Variants in ABCA13 observed in about 807,000 individuals in gnomAD.
ABCA13 encodes the protein ATP binding cassette subfamily A member 13, also known as ATP-binding cassette sub-family A member 13.
A neutral mutation model predicts 478.7 loss-of-function variants in ABCA13; 476 were observed. The observed-to-expected ratio is 0.99, with a 90% CI of 0.92 to 1.07. The LOEUF (loss-of-function observed/expected upper bound fraction) is 1.07. Among genes scored for constraint, ABCA13 ranks in the 50% least tolerant of loss-of-function variants. The pLI is 0.00. For synonymous variants in ABCA13, 2,252 were observed against 2,158.9 expected (o/e 1.04, Z -1.20); for missense variants, 6,060 against 5,910.6 (o/e 1.03, Z -0.83).
At chr7:48,332,017 C>A (rs973056844) in intron 27 of ABCA13, among the ~76,000 whole-genome samples, 4 of 152,176 alleles carry the variant, frequency 2.6e-5, no homozygotes, top group Admixed American at 2.6e-4. Flanking sequence ...TTGGGATTGA[C>A]TTTTTAAACT....
intron 35 of ABCA13, 62 bp downstream of exon 35, chr7:48,376,634 G>A: frequency 6.6e-7 from 1 of 1,504,346 alleles, no homozygotes; most frequent in Non-Finnish European, 9.2e-7. Context: ...GAATTAATAT[G>A]CATAAATATT....
chr7:48,321,171 T>C (rs1294210407), intron 27 of ABCA13, among the ~76,000 whole-genome samples: 1 of 152,150 alleles, frequency 6.6e-6, no homozygotes, highest in Non-Finnish European at 1.5e-5. Flanking sequence ...GTGTCACAAG[T>C]AGGAGGCGCT....
At chr7:48,208,488 G>T (rs1404506768) in intron 3 of ABCA13, among the ~76,000 whole-genome samples, 1 of 151,856 alleles carries the variant, frequency 6.6e-6, no homozygotes, top group Non-Finnish European at 1.5e-5. Context: ...TCTTTCATCA[G>T]GGTTTTATAG....
chr7:48,244,352 T>C (rs982881021), intron 10 of ABCA13, among the ~76,000 whole-genome samples: 11 of 152,238 alleles, frequency 7.2e-5, no homozygotes, highest in African/African-American at 2.7e-4. Flanking sequence ...CATTTTGGGG[T>C]AAAGAGAATG....
chr7:48,640,623 A>T (rs1795035823), intron 59 of ABCA13, among the ~76,000 whole-genome samples: 1 of 152,228 alleles, frequency 6.6e-6, no homozygotes, highest in Non-Finnish European at 1.5e-5. Context: ...TGAACATAGA[A>T]ATAAATGACT....
intron 32 of ABCA13, among the ~76,000 whole-genome samples, chr7:48,371,597 G>A (rs533166983): frequency 1.1e-3 from 172 of 152,166 alleles, no homozygotes; most frequent in African/African-American, 4.0e-3. Flanking sequence ...CTTGTTTCCT[G>A]TTGGTGTATA....
intron 41 of ABCA13, among the ~76,000 whole-genome samples, chr7:48,424,691 A>T (rs1821178176): frequency 6.6e-6 from 1 of 152,198 alleles, no homozygotes; most frequent in South Asian, 2.1e-4. Context: ...ATCCCTGGGT[A>T]ATGTTCTATT....
intron 15 of ABCA13, among the ~76,000 whole-genome samples, chr7:48,267,630 C>T (rs1795041368): frequency 1.3e-5 from 2 of 152,088 alleles, no homozygotes; most frequent in Admixed American, 1.3e-4. Flanking sequence ...AAAGTAATTG[C>T]TTTTAAATAA....
At chr7:48,303,219 T>C (rs1175583378) in intron 23 of ABCA13, among the ~76,000 whole-genome samples, 5 of 152,152 alleles carry the variant, frequency 3.3e-5, no homozygotes, top group African/African-American at 9.6e-5. Flanking sequence ...TTTTAAGTTC[T>C]TTATAGATAC....
rs201435007 is a variant in ABCA13 at position 48,240,884 on chromosome 7, A to G, written c.1080A>G (p.Gln360=). ...RVYQQVFVQW[Q]QGSLLQKTLT... ...ATTTGTAGGTGTTTGTTCAGTGGCA[A>G]CAGGGTAGCCTGCTTCAGAAGACAC... Residue 360 remains glutamine, a synonymous_variant, in exon 10 of 62, where the codon CAA becomes CAG. Coordinates refer to ENST00000435803, the MANE Select transcript of ABCA13 (RefSeq NM_152701.5). 18 of 1,550,458 alleles carry G rather than the reference A, an allele frequency of 1.2e-5. No homozygotes were observed. The highest frequency in any genetic ancestry group is 9.6e-6 in the Non-Finnish European group (11 of 1,146,606).
chr7:48,404,190 C>T (rs1585175337), intron 39 of ABCA13: 1 of 348,154 alleles, frequency 2.9e-6, no homozygotes, highest in Non-Finnish European at 5.7e-6. Context: ...TTAGAAGAGG[C>T]ATCCCAGATC....
In ABCA13 at chr7:48,272,824, A is replaced by G. The variant is rs1029901540; in HGVS notation, c.3158A>G (p.Gln1053Arg). 3 of 1,606,826 alleles carry G rather than the reference A, an allele frequency of 1.9e-6. No individual in the cohort carries two copies. The Admixed American group carries it at 5.1e-5, about 27-fold the overall frequency. The change falls in exon 17 of 62, where the codon CAA (glutamine) becomes CGA (arginine). Residue 1053 changes from glutamine (Q) to arginine (R), a missense_variant. Around this residue, in one of 3 missense-constraint regions of ABCA13, gnomAD observed 4,423 missense variants for 4,309.1 expected, o/e 1.03. Coordinates refer to ENST00000435803, the MANE Select transcript of ABCA13 (RefSeq NM_152701.5). ...CAATCCTTCATGTCTACAGAGGGCC[A>G]AGAACTGGAAGTGATCCACACTACT... ...QAQSFMSTEG[Q>R]ELEVIHTTLT...
chr7:48,341,890 ATATATCTTT>A (rs1182912783), intron 29 of ABCA13, among the ~76,000 whole-genome samples: 2 of 99,468 alleles, frequency 2.0e-5, no homozygotes, highest in African/African-American at 7.2e-5. Context: ...ATATATATAT[ATATATCTTT>A]CTGATATATA....
At chr7:48,346,029 A>G (rs1363544384) in intron 29 of ABCA13, among the ~76,000 whole-genome samples, 3 of 152,226 alleles carry the variant, frequency 2.0e-5, no homozygotes, top group African/African-American at 4.8e-5. Flanking sequence ...ATAACATTCT[A>G]TGCAGGTTTG....
At chr7:48,525,499 G>A (rs1832826506) in intron 54 of ABCA13, among the ~76,000 whole-genome samples, 1 of 152,028 alleles carries the variant, frequency 6.6e-6, no homozygotes, top group Admixed American at 6.6e-5. Context: ...CGTGATACGA[G>A]AGCCTTCAGA....
intron 3 of ABCA13, among the ~76,000 whole-genome samples, chr7:48,208,362 G>A (rs758636003): frequency 7.2e-5 from 11 of 152,016 alleles, no homozygotes; most frequent in Non-Finnish European, 1.6e-4. Flanking sequence ...TATTTTCATA[G>A]CGATTGCATT....
intron 59 of ABCA13, among the ~76,000 whole-genome samples, chr7:48,630,025 T>TTGGGTG (rs1794035865): frequency 6.6e-6 from 1 of 152,216 alleles, no homozygotes; most frequent in Non-Finnish European, 1.5e-5. Context: ...TATTTTGTTC[T>TTGGGTG]ACTTTTCCTT....
In ABCA13 at chr7:48,231,244, AAAAC is replaced by A. The variant is rs746180990; in HGVS notation, c.763+1309_763+1312del. On this transcript the variant is annotated intron_variant, in intron 7 of 61. Coordinates refer to ENST00000435803, the MANE Select transcript of ABCA13 (RefSeq NM_152701.5). The stretch of plus-strand genomic sequence containing the variant: ...AAGGAGAGAGATATGTCAATAATAA[AAAAC>A]AAACAAACAAACAAACAAAAAACAA... 9.3e-4 allele frequency among the ~76,000 whole-genome samples: 142 copies of A among 152,298 alleles called. No individual in the cohort carries two copies. In the East Asian group the frequency reaches 9.8e-3, roughly 11 times the overall value.
chr7:48,625,512 A>G, intron 59 of ABCA13, among the ~76,000 whole-genome samples: 1 of 152,048 alleles, frequency 6.6e-6, no homozygotes, highest in East Asian at 1.9e-4. Context: ...TTTACTAGAA[A>G]TGATTTTAAG....
Sources: allele counts gnomAD v4.1 joint callset (sites outside exome capture counted in the v4.1 genomes callset), GRCh38; gene constraint gnomAD v4.1.1; regional missense constraint gnomAD v4.1.1; transcripts MANE v1.5; gene names NCBI Gene and HGNC (gene_info 2026-07-23, HGNC 2026-07-21).